The following COL6A6 variants were observed in gnomAD, a reference collection of about 807,000 sequenced individuals.
The protein encoded by COL6A6 is collagen alpha-6(VI) chain.
In COL6A6, 183 loss-of-function variants were observed where a neutral mutation model predicts 208.6. The observed-to-expected ratio is 0.88, with a 90% CI of 0.78 to 0.99. The LOEUF (loss-of-function observed/expected upper bound fraction) is 0.99. Ranked by LOEUF, COL6A6 falls within the 50% of genes least tolerant of loss-of-function variation. The pLI is 0.00. For synonymous variants in COL6A6, 973 were observed against 1,011.8 expected (o/e 0.96, Z 0.73); for missense variants, 2,816 against 2,815.2 (o/e 1.00, Z -0.01).
rs183983070 is a variant in COL6A6, at chr3:130,537,129, T to G, written c.-32+19732T>G. On this transcript the variant is annotated intron_variant, in intron 1 of 36. Coordinates refer to ENST00000358511, the MANE Select transcript of COL6A6 (RefSeq NM_001102608.3). ...TGTGCATTATTTAACAGTTAATTAT[T>G]TTTTAGTGTATTTGTTACAGCTCAG... 3.3e-5 allele frequency among the ~76,000 whole-genome samples: 5 copies of G among 152,372 alleles called. No individual in the cohort carries two copies. In the East Asian group the frequency reaches 9.6e-4, roughly 29 times the overall value.
In COL6A6 at chr3:130,586,535, G is replaced by A; in HGVS notation, c.4000G>A (p.Asp1334Asn). ...GLNALITVAL[D>N]GPADSSDLAD... Reference sequence around the variant, plus strand: ...GAATGCCCTCATAACTGTTGCTCTGGATGGACCTGCTGATTCAAGTGACTT... The same window carrying A: ...GAATGCCCTCATAACTGTTGCTCTGAATGGACCTGCTGATTCAAGTGACTT... The change falls in exon 11 of 37, where the codon GAT becomes AAT. Residue 1334 changes from aspartate (D) to asparagine (N), a missense_variant. Transcript: ENST00000358511. 1.2e-6 allele frequency: 2 copies of A among 1,613,818 alleles called. No homozygotes were observed. Among genetic ancestry groups the A allele is most frequent in the Non-Finnish European group, 1.7e-6 (2 of 1,179,832 alleles).
intron 33 of COL6A6, 125 bp downstream of exon 33, chr3:130,649,687 C>A: frequency 1.0e-6 from 1 of 994,148 alleles, no homozygotes; most frequent in Non-Finnish European, 1.4e-6. Flanking sequence ...TCTGGATTGG[C>A]AGAGTAGAAT....
intron 11 of COL6A6, among the ~76,000 whole-genome samples, 164 bp from the exon 12 acceptor site, chr3:130,588,917 CAAAAAAAAA>C (rs58377635): frequency 1.5e-5 from 1 of 68,262 alleles, no homozygotes; most frequent in East Asian, 3.6e-4. Flanking sequence ...AAGATGGAAG[CAAAAAAAAA>C]AAAAAAAAAA....
At chr3:130,673,410 G>A (rs60085277) in intron 36 of COL6A6, among the ~76,000 whole-genome samples, 1,728 of 147,236 alleles carry the variant, frequency 0.012, 33 homozygotes, top group African/African-American at 0.039. Context: ...GGGAAGAAAG[G>A]TAACAGTAAC....
In COL6A6 at chr3:130,662,308, C is replaced by T. The variant is rs193270756; in HGVS notation, c.6502C>T (p.Arg2168Cys). The T allele has an allele frequency of 3.5e-4, 559 of 1,607,866 alleles. 5 individuals are homozygous for T. In the East Asian group the frequency reaches 8.5e-3, roughly 24 times the overall value. Residue 2168 changes from arginine to cysteine, a missense_variant and splice_region_variant, in exon 35 of 37, where the codon CGT becomes TGT. Coordinates refer to ENST00000358511, the MANE Select transcript of COL6A6 (RefSeq NM_001102608.3). Reference sequence around the variant, plus strand: ...GAAGTCCTTTATAAACTCAATCAGGCGTAAGTCATAAAATCTGTTGTTCTC... The same window carrying T: ...GAAGTCCTTTATAAACTCAATCAGGTGTAAGTCATAAAATCTGTTGTTCTC... ...FVKSFINSIR[R>C]AINKYPPINL...
At chr3:130,610,555 T>C (rs2064324598) in intron 22 of COL6A6, 94 bp from the exon 23 acceptor site, 4 of 923,022 alleles carry the variant, frequency 4.3e-6, no homozygotes, top group African/African-American at 3.4e-5. Context: ...TTTCTGTCCA[T>C]GTTACTGACT....
At chr3:130,584,339 TTTCTC>T (rs2063488167) in intron 10 of COL6A6, among the ~76,000 whole-genome samples, 1 of 152,170 alleles carries the variant, frequency 6.6e-6, no homozygotes, top group Non-Finnish European at 1.5e-5. Context: ...GAAGGTTTCA[TTTCTC>T]TTATAAGTAG....
chr3:130,589,055 C>G, intron 11 of COL6A6, 35 bp from the exon 12 acceptor site: 1 of 1,533,318 alleles, frequency 6.5e-7, no homozygotes, highest in African/African-American at 1.4e-5. Flanking sequence ...GAAGCAATAC[C>G]ACCAAATGTA....
At chr3:130,660,096 A>G (rs2065900355) in intron 34 of COL6A6, among the ~76,000 whole-genome samples, 1 of 152,236 alleles carries the variant, frequency 6.6e-6, no homozygotes, top group Non-Finnish European at 1.5e-5. Context: ...TTGCATAGTC[A>G]GAAGTTGCAC....
Position 130,541,266 on chromosome 3 carries a change from T to C in COL6A6, c.-31-19068T>C, listed in dbSNP as rs896674218. Among the ~76,000 whole-genome samples, 7 of 152,198 alleles carry C rather than the reference T, an allele frequency of 4.6e-5. No homozygotes were observed. In the South Asian group the frequency reaches 1.0e-3, roughly 23 times the overall value. ...GAAAATCAGAGCCACAGTGATCAGA[T>C]TGGCTTTTTTCACTTAGCAATAAAC... On this transcript the variant is annotated intron_variant, in intron 1 of 36. Transcript: ENST00000358511.
intron 33 of COL6A6, among the ~76,000 whole-genome samples, chr3:130,656,074 CAG>C (rs1338829572): frequency 6.6e-6 from 1 of 152,212 alleles, no homozygotes; most frequent in Non-Finnish European, 1.5e-5. Context: ...TGCAGACCCC[CAG>C]AGAGGGTATC....
intron 24 of COL6A6, among the ~76,000 whole-genome samples, chr3:130,623,335 G>A (rs2064792917): frequency 6.6e-6 from 1 of 152,132 alleles, no homozygotes; most frequent in East Asian, 1.9e-4. Flanking sequence ...GCACATGCCT[G>A]TAATCCCAGC....
At chr3:130,592,949 A>G in intron 15 of COL6A6, 112 bp from the exon 16 acceptor site, 1 of 1,011,452 alleles carries the variant, frequency 9.9e-7, no homozygotes, top group Non-Finnish European at 1.5e-6. Flanking sequence ...ACCCAGGCCC[A>G]GCCTCACAAG....
At position 130,518,649 on chromosome 3, in the gene COL6A6, G is replaced by A. The variant is rs1214382678; in HGVS notation, c.-32+1252G>A. On this transcript the variant is annotated intron_variant, in intron 1 of 36. Transcript: ENST00000358511. ...AGCCTCGCGAGTAGCTGGGATTACA[G>A]GCATGAGCCACCATGCCCGGCTAAT... Among the ~76,000 whole-genome samples, 3 of 152,298 alleles carry A rather than the reference G, an allele frequency of 2.0e-5. No individual in the cohort carries two copies. The East Asian group carries it at 5.8e-4, about 29-fold the overall frequency.
chr3:130,607,021 A>T (rs760685972), intron 21 of COL6A6, 55 bp downstream of exon 21: 6 of 1,389,650 alleles, frequency 4.3e-6, no homozygotes, highest in Non-Finnish European at 6.0e-6. Flanking sequence ...CCAATCAGGG[A>T]GCTGGAATAA....
rs867768242 is a variant in COL6A6, at chr3:130,644,851, C to T, written c.5228-140C>T. On this transcript the variant is annotated intron_variant, in intron 31 of 36. Transcript: ENST00000358511. The stretch of plus-strand genomic sequence containing the variant: ...TTACCAAGATGTTAGACTCTGTCTG[C>T]ATTTTCTCCAAACTCTGTTGCCTTG... The T allele has an allele frequency of 5.3e-6, 4 of 753,002 alleles. No homozygotes were observed. The Middle Eastern group carries it at 9.5e-4, about 179-fold the overall frequency. 46.6% of individuals were successfully genotyped at this position (753,002 alleles called of 1,614,324 possible).
chr3:130,559,967 G>A (rs909358390), intron 1 of COL6A6, among the ~76,000 whole-genome samples: 2 of 152,188 alleles, frequency 1.3e-5, no homozygotes, highest in Non-Finnish European at 2.9e-5. Context: ...GTCTTGGGGT[G>A]TGTCCTAACT....
chr3:130,574,284 C>A lies in COL6A6; in HGVS notation c.3306C>A (p.Thr1102=). 1 of 1,613,936 alleles carries A rather than the reference C, an allele frequency of 6.2e-7. No individual in the cohort carries two copies. Residue 1102 remains threonine (T), a synonymous_variant, in exon 8 of 37, where the codon ACC becomes ACA. Transcript: ENST00000358511. ...TGGGCAGCAGGATAAATACAGGTAC[C>A]CCACAGGTGCTGCTGGTCCTTACAG... ...PDMGSRINTG[T]PQVLLVLTDG... is the part of the protein sequence containing the mutation.
Position 130,627,309 on chromosome 3 carries a change from C to G in COL6A6, c.4942-10C>G, listed in dbSNP as rs760021191. ...TCTGGGATGTTGGTAATCAATTGCTCTGTTTACAGGGCAATGATGGCAGTC... is the reference window on the plus strand; with the variant it reads ...TCTGGGATGTTGGTAATCAATTGCTGTGTTTACAGGGCAATGATGGCAGTC... On this transcript the variant is annotated splice_polypyrimidine_tract_variant and intron_variant, in intron 25 of 36. Transcript: ENST00000358511. 13 of 1,612,476 alleles carry G rather than the reference C, an allele frequency of 8.1e-6. No homozygotes were observed. Among genetic ancestry groups the G allele is most frequent in the Non-Finnish European group, 1.0e-5 (12 of 1,178,626 alleles).
Sources: gnomAD v4.1 joint callset for allele counts (sites outside exome capture counted in the v4.1 genomes callset) on GRCh38, gnomAD v4.1.1 for gene constraint, MANE v1.5 for transcripts, NCBI Gene and HGNC (gene_info 2026-07-23, HGNC 2026-07-21) for gene names.